The following CFAP221 variants were observed in gnomAD, a reference collection of about 807,000 sequenced individuals.
CFAP221 encodes cilia and flagella associated protein 221.
A neutral mutation model predicts 113.1 loss-of-function variants in CFAP221; 97 were observed. That is an observed-to-expected ratio of 0.86 (90% CI 0.73 to 1.02). The LOEUF (loss-of-function observed/expected upper bound fraction) is 1.02, where lower values mean the gene tolerates loss of function less well. Ranked by LOEUF, CFAP221 falls within the 50% of genes least tolerant of loss-of-function variation. The probability of loss-of-function intolerance (pLI) is 0.00; values close to 1 mark genes in which losing one functional copy is unlikely to be tolerated. For missense variants in CFAP221, 1,025 were observed against 1,013.4 expected (o/e 1.01, Z -0.16); for synonymous variants, 331 against 354.4 (o/e 0.93, Z 0.74).
chr2:119,584,826 T>G (rs1283471992), intron 6 of CFAP221, among the ~76,000 whole-genome samples: 1 of 152,180 alleles, frequency 6.6e-6, no homozygotes, highest in African/African-American at 2.4e-5. Context: ...ATAGAAACTC[T>G]CCTATTCTGC....
At chr2:119,658,881 C>T (rs916451775), downstream of CFAP221, among the ~76,000 whole-genome samples, 13 of 151,828 alleles carry the variant, frequency 8.6e-5, no homozygotes, top group African/African-American at 3.1e-4. Flanking sequence ...GTCCCAGCTA[C>T]CTGGGAGGCT....
At chr2:119,575,166 C>T (rs1682350689) in intron 6 of CFAP221, among the ~76,000 whole-genome samples, 1 of 152,106 alleles carries the variant, frequency 6.6e-6, no homozygotes, top group South Asian at 2.1e-4. Flanking sequence ...TTTAGTGTGT[C>T]CTCTTATCTT....
intron 3 of CFAP221, among the ~76,000 whole-genome samples, chr2:119,550,553 T>G (rs950803756): frequency 3.3e-5 from 5 of 152,312 alleles, no homozygotes; most frequent in African/African-American, 1.2e-4. Context: ...AAGACCAAAG[T>G]TAATGATTCA....
chr2:119,560,404 T>G (rs1681160229), intron 5 of CFAP221, among the ~76,000 whole-genome samples: 1 of 152,214 alleles, frequency 6.6e-6, no homozygotes, highest in African/African-American at 2.4e-5. Context: ...AAGTTATGAT[T>G]ATAAACACCA....
At chr2:119,642,731 G>C (rs1032856560) in intron 21 of CFAP221, among the ~76,000 whole-genome samples, 7 of 151,878 alleles carry the variant, frequency 4.6e-5, no homozygotes, top group Admixed American at 3.3e-4. Context: ...GTAGAGATAT[G>C]GTTTTGCTAC....
At chr2:119,585,340 A>G (rs1321774710) in intron 6 of CFAP221, among the ~76,000 whole-genome samples, 2 of 152,242 alleles carry the variant, frequency 1.3e-5, no homozygotes, top group African/African-American at 4.8e-5. Flanking sequence ...GATTGAGGAC[A>G]TAAAATTAAA....
chr2:119,605,160 A>T (rs985655812), intron 10 of CFAP221, 21 bp from the exon 11 acceptor site: 1 of 1,591,428 alleles, frequency 6.3e-7, no homozygotes, highest in African/African-American at 1.3e-5. Flanking sequence ...TGGTATAAAC[A>T]TTGTCTGCTC....
At chr2:119,623,023 A>G (rs551629303) in intron 14 of CFAP221, among the ~76,000 whole-genome samples, 2 of 152,350 alleles carry the variant, frequency 1.3e-5, no homozygotes, top group African/African-American at 4.8e-5. Flanking sequence ...GGCCAGGGCA[A>G]TCACACAAGA....
intron 22 of CFAP221, chr2:119,648,670 C>T (rs1574235126): frequency 6.4e-6 from 1 of 155,966 alleles, no homozygotes; most frequent in Non-Finnish European, 1.5e-5. Context: ...TTAAGTCTCA[C>T]TTATAACTCA....
intron 3 of CFAP221, chr2:119,556,063 T>C (rs992356646): frequency 5.3e-5 from 8 of 152,274 alleles, no homozygotes; most frequent in African/African-American, 1.9e-4. Flanking sequence ...ATTGGCACGA[T>C]GTCCCCTGGA....
At chr2:119,577,964 C>T (rs1238487186) in intron 6 of CFAP221, among the ~76,000 whole-genome samples, 1 of 152,236 alleles carries the variant, frequency 6.6e-6, no homozygotes, top group African/African-American at 2.4e-5. Context: ...GAGTGCTCCT[C>T]TCTGCTCCAT....
At position 119,656,561 on chromosome 2, in the gene CFAP221, A is replaced by C; in HGVS notation, c.*91A>C. The C allele has an allele frequency of 2.5e-6, 2 of 794,128 alleles. No individual in the cohort carries two copies. The highest frequency in any genetic ancestry group is 4.2e-6 in the Non-Finnish European group (2 of 476,308). The allele number at this position is 794,128 out of a possible 1,614,324, so 49.2% of individuals were successfully genotyped here. A position where few individuals can be genotyped will look rare whatever the true frequency, so the allele number is the denominator to read the frequency against. On this transcript the variant is annotated 3_prime_UTR_variant, in exon 24 of 24. Coordinates refer to ENST00000413369, the MANE Select transcript of CFAP221 (RefSeq NM_001271049.2). ...TTACATGCCAGCCATCTCTGCAATT[A>C]AAGTTTCTGGATAAAAAAATGAAAT... is the stretch of plus-strand genomic sequence containing the variant.
chr2:119,572,014 CCTCTCTTAGGGTAGGATGA>C (rs1682094905), intron 6 of CFAP221, among the ~76,000 whole-genome samples: 1 of 152,178 alleles, frequency 6.6e-6, no homozygotes, highest in South Asian at 2.1e-4. Context: ...CTGGGGAGAA[CCTCTCTTAGGGTAGGATGA>C]GACCTCAGCA....
At position 119,594,352 on chromosome 2, in the gene CFAP221, C is replaced by T. The variant is rs1251377133; in HGVS notation, c.632-6866C>T. ...CCAGGTTCAAGCGATCCTCCTGCCT[C>T]AGCCCCCTGAGTAGCTGAGACCACA... On this transcript the variant is annotated intron_variant, in intron 7 of 23. Transcript: ENST00000413369. Among the ~76,000 whole-genome samples, 4 of 152,212 alleles carry T rather than the reference C, an allele frequency of 2.6e-5. No individual in the cohort carries two copies. The East Asian group carries it at 7.7e-4, about 29-fold the overall frequency.
At chr2:119,633,129 A>G (rs1345718551) in intron 19 of CFAP221, among the ~76,000 whole-genome samples, 4 of 152,108 alleles carry the variant, frequency 2.6e-5, no homozygotes, top group African/African-American at 9.6e-5. Context: ...CTTTCAACAA[A>G]TAATGTTAGA....
intron 2 of CFAP221, 144 bp from the exon 3 acceptor site, chr2:119,548,941 C>A: frequency 1.9e-6 from 1 of 527,848 alleles, no homozygotes; most frequent in South Asian, 3.1e-5. Flanking sequence ...GATAATTAAT[C>A]TTGTTGACAG....
chr2:119,627,889 C>G, intron 16 of CFAP221, 103 bp downstream of exon 16: 1 of 1,433,210 alleles, frequency 7.0e-7, no homozygotes, highest in South Asian at 1.3e-5. Context: ...TCACCTCCTC[C>G]CAGAGGCTCC....
chr2:119,591,319 C>T (rs1164115796), intron 7 of CFAP221, among the ~76,000 whole-genome samples: 4 of 152,230 alleles, frequency 2.6e-5, no homozygotes, highest in South Asian at 2.1e-4. Context: ...TTTTAGAGGA[C>T]GTAGGTAATT....
chr2:119,548,785 A>G (rs948252735), intron 2 of CFAP221, among the ~76,000 whole-genome samples: 1 of 152,238 alleles, frequency 6.6e-6, no homozygotes, highest in Admixed American at 6.5e-5. Context: ...CTGGTGATTT[A>G]TGACAAAGAT....
Sources: allele counts gnomAD v4.1 joint callset (sites outside exome capture counted in the v4.1 genomes callset), GRCh38; gene constraint gnomAD v4.1.1; transcripts MANE v1.5; gene names NCBI Gene and HGNC (gene_info 2026-07-23, HGNC 2026-07-21).